USH2A: variants seen among roughly 807,000 people sequenced by gnomAD.
USH2A encodes usherin, also known as Usher syndrome 2A (autosomal recessive, mild).
USH2A carries 443 observed loss-of-function variants against 538.9 expected under a neutral mutation model. That is an observed-to-expected ratio of 0.82 (90% CI 0.76 to 0.89). The LOEUF is 0.89. Among genes scored for constraint, USH2A ranks in the 40% least tolerant of loss-of-function variants. The pLI, the probability that USH2A is intolerant of heterozygous loss-of-function variation, is 0.00. For synonymous variants in USH2A, 2,413 were observed against 2,273.5 expected (o/e 1.06, Z -1.75); for missense variants, 6,633 against 6,324.8 (o/e 1.05, Z -1.65).
intron 13 of USH2A, among the ~76,000 whole-genome samples, chr1:216,242,379 AAT>A (rs1553319800): frequency 1.3e-5 from 2 of 150,364 alleles, no homozygotes; most frequent in African/African-American, 2.4e-5. Context: ...AGAAAAAAAA[AAT>A]ATATATATAT....
At chr1:215,665,374 C>A (rs994829134) in intron 64 of USH2A, among the ~76,000 whole-genome samples, 1 of 152,168 alleles carries the variant, frequency 6.6e-6, no homozygotes, top group African/African-American at 2.4e-5. Flanking sequence ...GCTTCAGAGA[C>A]CCTGAGTGTG....
At chr1:216,091,068 C>A (rs2032290156) in intron 22 of USH2A, among the ~76,000 whole-genome samples, 1 of 152,148 alleles carries the variant, frequency 6.6e-6, no homozygotes. Context: ...CTCAGCATGA[C>A]AAACTCACTT....
At chr1:216,201,470 C>G (rs561854157) in intron 16 of USH2A, among the ~76,000 whole-genome samples, 1 of 151,926 alleles carries the variant, frequency 6.6e-6, no homozygotes, top group East Asian at 1.9e-4. Flanking sequence ...CCCACCACCA[C>G]GCCCGGCTAA....
intron 20 of USH2A, among the ~76,000 whole-genome samples, chr1:216,186,423 G>A (rs1413597465): frequency 6.6e-6 from 1 of 151,644 alleles, no homozygotes; most frequent in Non-Finnish European, 1.5e-5. Flanking sequence ...TCTCCTTCTA[G>A]AATTCTCTCT....
chr1:215,877,637 A>C (rs1349422962), intron 43 of USH2A, 121 bp downstream of exon 43: 65 of 1,471,276 alleles, frequency 4.4e-5, no homozygotes, highest in Non-Finnish European at 6.0e-5. Context: ...TAATAACCAA[A>C]CATGTTTTAT....
At chr1:216,173,983 C>T (rs1285779315) in intron 21 of USH2A, 1 of 984,846 alleles carries the variant, frequency 1.0e-6, no homozygotes, top group African/African-American at 1.8e-5. Flanking sequence ...AGAAGTTGAG[C>T]ATTTTTAGCT....
intron 31 of USH2A, among the ~76,000 whole-genome samples, chr1:216,047,679 A>G (rs888378035): frequency 6.6e-6 from 1 of 152,030 alleles, no homozygotes; most frequent in Non-Finnish European, 1.5e-5. Flanking sequence ...GGAAGGGGGG[A>G]ATATATAGAT....
intron 21 of USH2A, among the ~76,000 whole-genome samples, chr1:216,109,997 C>T (rs1299839170): frequency 6.6e-6 from 1 of 151,536 alleles, no homozygotes; most frequent in Non-Finnish European, 1.5e-5. Flanking sequence ...CCAAATGTAC[C>T]CTTTATATAG....
chr1:215,764,964 A>G (rs962733297), intron 56 of USH2A, among the ~76,000 whole-genome samples: 20 of 152,014 alleles, frequency 1.3e-4, no homozygotes, highest in African/African-American at 4.6e-4. Flanking sequence ...GTTAGAGGAA[A>G]GATACATAAA....
At chr1:215,962,207 C>A (rs141761700) in intron 37 of USH2A, among the ~76,000 whole-genome samples, 159 of 152,072 alleles carry the variant, frequency 1.0e-3, no homozygotes, top group African/African-American at 3.3e-3. Context: ...CATACTTTTT[C>A]TGAGAATATA....
chr1:215,819,091 C>T (rs961818369), intron 47 of USH2A, among the ~76,000 whole-genome samples: 7 of 151,784 alleles, frequency 4.6e-5, no homozygotes, highest in East Asian at 3.9e-4. Context: ...ATATGTGTAG[C>T]GTACATTTTA....
In USH2A at chr1:215,912,519, A is replaced by G. The variant is rs866700964; in HGVS notation, c.7301-11614T>C. ...TATATATATATATATATACGTGTAT[A>G]TATATATATATATATATGAAGTACA... is the stretch of plus-strand genomic sequence containing the variant. On this transcript the variant is annotated intron_variant, in intron 38 of 71. Coordinates refer to ENST00000307340, the MANE Select transcript of USH2A (RefSeq NM_206933.4). Among the ~76,000 whole-genome samples, 5 of 67,562 alleles carry G rather than the reference A, an allele frequency of 7.4e-5. 1 individual carries two copies. The highest frequency in any genetic ancestry group is 5.5e-4 in the Admixed American group (3 of 5,466). 44.3% of individuals were successfully genotyped at this position (67,562 alleles called of 152,430 possible).
chr1:215,957,769 A>T (rs1667104675), intron 37 of USH2A, among the ~76,000 whole-genome samples: 1 of 152,082 alleles, frequency 6.6e-6, no homozygotes, highest in Admixed American at 6.6e-5. Flanking sequence ...CCCCTAACTC[A>T]TTACGGGAAA....
At chr1:216,317,081 T>C (rs974327405) in intron 9 of USH2A, among the ~76,000 whole-genome samples, 15 of 152,142 alleles carry the variant, frequency 9.9e-5, no homozygotes, top group African/African-American at 3.4e-4. Context: ...AGCTCCAAGG[T>C]TGTGGAGAAA....
intron 22 of USH2A, among the ~76,000 whole-genome samples, chr1:216,089,488 A>G (rs2032241912): frequency 6.6e-6 from 1 of 152,122 alleles, no homozygotes; most frequent in East Asian, 1.9e-4. Context: ...TTCATGGCAT[A>G]AATATGAAAA....
At chr1:216,068,102 G>A (rs749072645) in intron 30 of USH2A, among the ~76,000 whole-genome samples, 19 of 152,304 alleles carry the variant, frequency 1.2e-4, no homozygotes, top group Non-Finnish European at 2.5e-4. Flanking sequence ...GAGTTACTGT[G>A]GAGAATGCTG....
chr1:215,828,128 C>T (rs1315571713), intron 47 of USH2A, among the ~76,000 whole-genome samples: 5 of 152,094 alleles, frequency 3.3e-5, no homozygotes, highest in South Asian at 2.1e-4. Context: ...TTGAACCATA[C>T]TTAACCCCAC....
In USH2A at chr1:216,313,079, C is replaced by T. The variant is rs146824440; in HGVS notation, c.1644+8804G>A. On this transcript the variant is annotated intron_variant, in intron 9 of 71. Transcript: ENST00000307340. ...GAGGGCAGCACATGGGGAATGGTTT[C>T]AAGATGAAGGTATTCCACCTCAAAG... is the stretch of plus-strand genomic sequence containing the variant. Among the ~76,000 whole-genome samples the T allele has an allele frequency of 4.8e-3, 726 of 152,210 alleles. 6 individuals are homozygous for T. The highest frequency in any genetic ancestry group is 0.017 in the African/African-American group (691 of 41,522).
At chr1:215,639,429 A>T (rs554360152) in intron 68 of USH2A, among the ~76,000 whole-genome samples, 191 bp from the exon 69 acceptor site, 2 of 152,346 alleles carry the variant, frequency 1.3e-5, no homozygotes, top group Admixed American at 1.3e-4. Flanking sequence ...TTAGTGTAAT[A>T]ATAGCCTATC....
Sources: allele counts gnomAD v4.1 joint callset (sites outside exome capture counted in the v4.1 genomes callset), GRCh38; gene constraint gnomAD v4.1.1; transcripts MANE v1.5; gene names NCBI Gene and HGNC (gene_info 2026-07-23, HGNC 2026-07-21).